The following LRRC19 variants were observed in gnomAD, a reference collection of about 807,000 sequenced individuals.
LRRC19 encodes the protein leucine rich repeat containing 19.
Under a neutral mutation model 33.3 loss-of-function variants are expected in LRRC19, and 33 were observed. The observed-to-expected ratio is 0.99, with a 90% confidence interval of 0.75 to 1.33. The LOEUF (loss-of-function observed/expected upper bound fraction) is 1.33, where lower values mean the gene tolerates loss of function less well. Among genes scored for constraint, LRRC19 ranks in the 40% most tolerant of loss-of-function variants. LRRC19 has a pLI of 0.00. For missense variants in LRRC19, 463 were observed against 417.3 expected (o/e 1.11, Z -0.95); for synonymous variants, 184 against 152.3 (o/e 1.21, Z -1.53).
In LRRC19 at chr9:26,997,811, A is replaced by G. The variant is rs1233529633; in HGVS notation, c.512T>C (p.Ile171Thr). The G allele has an allele frequency of 3.1e-6, 5 of 1,614,164 alleles. No homozygotes were observed. The highest frequency in any genetic ancestry group is 4.2e-6 in the Non-Finnish European group (5 of 1,180,018). Residue 171 changes from isoleucine (I) to threonine (T), a missense_variant, in exon 3 of 5, where the codon ATA (isoleucine) becomes ACA (threonine). Coordinates refer to ENST00000380055, the MANE Select transcript of LRRC19 (RefSeq NM_022901.3). ...DVPPLFHLELITLYGNLWNCS... is the reference protein window; with the variant it reads ...DVPPLFHLELTTLYGNLWNCS... Reference sequence around the variant, plus strand: ...GTTCCATAGGTTTCCATATAAAGTTATTAATTCCAGATGAAATAGTGGTGG... The same window carrying G: ...GTTCCATAGGTTTCCATATAAAGTTGTTAATTCCAGATGAAATAGTGGTGG...
chr9:27,002,445 T>TGGCAAGAGA (rs1484406965), intron 1 of LRRC19, among the ~76,000 whole-genome samples: 2 of 152,242 alleles, frequency 1.3e-5, no homozygotes, highest in Admixed American at 1.3e-4. Context: ...ATTAAAGTCT[T>TGGCAAGAGA]TAATCCATTT....
chr9:27,003,561 T>C (rs1254236613), intron 1 of LRRC19, among the ~76,000 whole-genome samples: 1 of 151,986 alleles, frequency 6.6e-6, no homozygotes, highest in Non-Finnish European at 1.5e-5. Context: ...TAGGCAAGAA[T>C]CCATGCAGCA....
chr9:26,998,307 A>G (rs1651580134), intron 2 of LRRC19, 66 bp from the exon 3 acceptor site: 1 of 995,928 alleles, frequency 1.0e-6, no homozygotes. Flanking sequence ...ACCAAATTTC[A>G]TATTTAAGCA....
chr9:27,002,446 T>C (rs1828550549), intron 1 of LRRC19, among the ~76,000 whole-genome samples: 4 of 152,252 alleles, frequency 2.6e-5, no homozygotes, highest in Admixed American at 2.6e-4. Flanking sequence ...TTAAAGTCTT[T>C]AATCCATTTT....
intron 1 of LRRC19, 49 bp from the exon 2 acceptor site, chr9:26,999,752 C>G: frequency 1.2e-6 from 1 of 826,002 alleles, no homozygotes; most frequent in Non-Finnish European, 1.8e-6. Flanking sequence ...ATTTTTCCCT[C>G]TTTTGAATCT....
At chr9:26,998,919 A>G (rs1234224770) in intron 2 of LRRC19, among the ~76,000 whole-genome samples, 2 of 152,078 alleles carry the variant, frequency 1.3e-5, no homozygotes, top group African/African-American at 4.8e-5. Context: ...GCTTCAACCC[A>G]GGAGGCGGAG....
chr9:26,999,736 A>G (rs755826012), intron 1 of LRRC19, 33 bp from the exon 2 acceptor site: 26 of 1,260,724 alleles, frequency 2.1e-5, no homozygotes, highest in Middle Eastern at 2.5e-4. Flanking sequence ...CATTAAGGAC[A>G]TTTTTATTTT....
chr9:26,993,358 T>A lies in LRRC19; in HGVS notation c.*2163A>T, dbSNP rs557679494. 2 of 152,438 alleles carry A rather than the reference T, an allele frequency of 1.3e-5. No homozygotes were observed. The highest frequency in any genetic ancestry group is 4.1e-4 in the South Asian group (2 of 4,832). 9.4% of individuals were successfully genotyped at this position (152,438 alleles called of 1,614,324 possible). A position where few individuals can be genotyped will look rare whatever the true frequency, so the allele number is the denominator to read the frequency against. ...TTATGTTCCTATAATCATCTCATTC[T>A]TATAATTAAGGTTTAAAACAAAGTA... On this transcript the variant is annotated 3_prime_UTR_variant, in exon 5 of 5. Coordinates refer to ENST00000380055, the MANE Select transcript of LRRC19 (RefSeq NM_022901.3).
intron 3 of LRRC19, among the ~76,000 whole-genome samples, chr9:26,997,501 T>G (rs1828227794): frequency 6.6e-6 from 1 of 151,942 alleles, no homozygotes; most frequent in Non-Finnish European, 1.5e-5. Flanking sequence ...ACCCAGCTAA[T>G]TTTTGTATTT....
rs1827998881 is a variant in LRRC19 at position 26,993,772 on chromosome 9, C to T, written c.*1749G>A. 1 of 152,160 alleles carries T rather than the reference C, an allele frequency of 6.6e-6. No individual in the cohort carries two copies. The highest frequency in any genetic ancestry group is 1.5e-5 in the Non-Finnish European group (1 of 68,032). The allele number at this position is 152,160 out of a possible 1,614,324, so 9.4% of individuals were successfully genotyped here. Reference sequence around the variant, plus strand: ...CTTATTTAGCTCCCAGCTCCATCAGCTCATATTTGACCTTGCTCCATCCAT... The same window carrying T: ...CTTATTTAGCTCCCAGCTCCATCAGTTCATATTTGACCTTGCTCCATCCAT... On this transcript the variant is annotated 3_prime_UTR_variant, in exon 5 of 5. Transcript: ENST00000380055.
intron 4 of LRRC19, among the ~76,000 whole-genome samples, 199 bp from the exon 5 acceptor site, chr9:26,996,048 A>C (rs1330945674): frequency 6.6e-6 from 1 of 152,112 alleles, no homozygotes; most frequent in Non-Finnish European, 1.5e-5. Flanking sequence ...CTTTTACCTA[A>C]GACCATTATT....
intron 4 of LRRC19, 107 bp from the exon 5 acceptor site, chr9:26,995,956 C>A (rs901343580): frequency 1.4e-5 from 11 of 796,916 alleles, no homozygotes; most frequent in Non-Finnish European, 1.9e-5. Context: ...TAAAAATAAA[C>A]ATACATTGTA....
Position 26,994,824 on chromosome 9 carries a change from A to AT in LRRC19, c.*696dup, listed in dbSNP as rs1247558915. ...TGGAAATATGTATTTTTAAAACAAG[A>AT]TTTATAGATAATTGTGATGCCCACT... On this transcript the variant is annotated 3_prime_UTR_variant, in exon 5 of 5. Coordinates refer to ENST00000380055, the MANE Select transcript of LRRC19 (RefSeq NM_022901.3). 1 of 152,600 alleles carries AT rather than the reference A, an allele frequency of 6.6e-6. No homozygotes were observed. The highest frequency in any genetic ancestry group is 2.4e-5 in the African/African-American group (1 of 41,450). 9.5% of individuals were successfully genotyped at this position (152,600 alleles called of 1,614,324 possible). A position where few individuals can be genotyped will look rare whatever the true frequency, so the allele number is the denominator to read the frequency against.
chr9:26,997,122 G>T (rs1329346080), intron 3 of LRRC19, among the ~76,000 whole-genome samples: 1 of 151,568 alleles, frequency 6.6e-6, no homozygotes, highest in African/African-American at 2.4e-5. Flanking sequence ...TGAGGCAGGA[G>T]AATCACTTGA....
chr9:26,998,843 A>AG (rs1333965733), intron 2 of LRRC19, among the ~76,000 whole-genome samples: 1 of 150,912 alleles, frequency 6.6e-6, no homozygotes, highest in Non-Finnish European at 1.5e-5. Context: ...AAAAAAAAAA[A>AG]GTCAGCCGGG....
At chr9:27,004,461 A>G (rs1273300579) in intron 1 of LRRC19, among the ~76,000 whole-genome samples, 2 of 152,204 alleles carry the variant, frequency 1.3e-5, no homozygotes, top group Non-Finnish European at 2.9e-5. Context: ...GCCTTTTCAG[A>G]GGAGAAAGAT....
intron 1 of LRRC19, among the ~76,000 whole-genome samples, chr9:27,000,827 C>T (rs1828443834): frequency 6.6e-6 from 1 of 152,100 alleles, no homozygotes; most frequent in South Asian, 2.1e-4. Flanking sequence ...TACCCCGGAA[C>T]TTAAAAATAA....
At chr9:26,995,977 G>T (rs1828134459) in intron 4 of LRRC19, 128 bp from the exon 5 acceptor site, 1 of 733,572 alleles carries the variant, frequency 1.4e-6, no homozygotes, top group Non-Finnish European at 2.1e-6. Flanking sequence ...GTTTTCTTTA[G>T]ATTTTGTTTG....
rs538000350 is a variant in LRRC19, at chr9:27,001,473, T to A, written c.-9-1770A>T. On this transcript the variant is annotated intron_variant, in intron 1 of 4. Transcript: ENST00000380055. ...TCCACATCGTCACCAGCATCCGTTA[T>A]TGCCTGTCATATTGATAGAAGCTAC... Among the ~76,000 whole-genome samples the A allele has an allele frequency of 2.6e-4, 39 of 152,330 alleles. No individual in the cohort carries two copies. The South Asian group carries it at 4.1e-3, about 16-fold the overall frequency.
Sources: allele counts gnomAD v4.1 joint callset (sites outside exome capture counted in the v4.1 genomes callset), GRCh38; gene constraint gnomAD v4.1.1; transcripts MANE v1.5; gene names NCBI Gene and HGNC (gene_info 2026-07-23, HGNC 2026-07-21).